Variants in TSPAN18 observed in about 807,000 individuals in gnomAD.
TSPAN18 encodes the protein tetraspanin-18.
TSPAN18 carries 14 observed loss-of-function variants against 27.3 expected under a neutral mutation model. That is an observed-to-expected ratio of 0.51 (90% confidence interval 0.34 to 0.80). TSPAN18 has a LOEUF of 0.80. Among genes scored for constraint, TSPAN18 ranks in the 30% least tolerant of loss-of-function variants. TSPAN18 has a pLI of 0.01. For synonymous variants in TSPAN18, 143 were observed against 136.5 expected (o/e 1.05, Z -0.33); for missense variants, 268 against 323.9 (o/e 0.83, Z 1.32).
intron 1 of TSPAN18, among the ~76,000 whole-genome samples, chr11:44,749,277 G>C (rs1315909328): frequency 6.6e-6 from 1 of 152,254 alleles, no homozygotes; most frequent in Non-Finnish European, 1.5e-5. Context: ...GAAATGGAGA[G>C]AAAACTAAAA....
chr11:44,926,666 C>T lies in TSPAN18; in HGVS notation c.616-8C>T. 6.2e-7 allele frequency: 1 copy of T among 1,613,988 alleles called. No homozygotes were observed. The highest frequency in any genetic ancestry group is 8.5e-7 in the Non-Finnish European group (1 of 1,179,870). Reference sequence around the variant, plus strand: ...GCCATAGCTTGACCTCTCATCCCTCCCTCCCAGGGCTGTTACACGGTGATC... The same window carrying T: ...GCCATAGCTTGACCTCTCATCCCTCTCTCCCAGGGCTGTTACACGGTGATC... On this transcript the variant is annotated splice_polypyrimidine_tract_variant and splice_region_variant and intron_variant, in intron 8 of 9. Transcript: ENST00000520358.
At chr11:44,833,352 C>T (rs544635125) in intron 2 of TSPAN18, among the ~76,000 whole-genome samples, 6 of 152,064 alleles carry the variant, frequency 3.9e-5, no homozygotes, top group Admixed American at 6.5e-5. Context: ...GCCCCTACCT[C>T]TGAGCAAATG....
intron 2 of TSPAN18, among the ~76,000 whole-genome samples, chr11:44,796,318 T>G (rs1856348548): frequency 6.6e-6 from 1 of 152,304 alleles, no homozygotes; most frequent in Non-Finnish European, 1.5e-5. Flanking sequence ...AGATTGGTTT[T>G]CAGTTTTTAC....
intron 1 of TSPAN18, among the ~76,000 whole-genome samples, chr11:44,730,591 C>T (rs1173608677): frequency 6.6e-6 from 1 of 151,918 alleles, no homozygotes; most frequent in African/African-American, 2.4e-5. Flanking sequence ...CATTAGTGCT[C>T]CATCTGAGGG....
At chr11:44,854,008 T>C (rs1303978490) in intron 2 of TSPAN18, among the ~76,000 whole-genome samples, 1 of 152,152 alleles carries the variant, frequency 6.6e-6, no homozygotes, top group Non-Finnish European at 1.5e-5. Flanking sequence ...ATAAAATATT[T>C]CGTTTTGGTG....
Position 44,930,856 on chromosome 11 carries a change from C to T in TSPAN18, c.*1678C>T, listed in dbSNP as rs1345618268. On this transcript the variant is annotated 3_prime_UTR_variant, in exon 10 of 10. Transcript: ENST00000520358. ...GCTCTCTTCTCTCCCCTCTGTCCCT[C>T]TTCAGGAAGAAAGAGCTCATTCTGT... 2 of 514,684 alleles carry T rather than the reference C, an allele frequency of 3.9e-6. No individual in the cohort carries two copies. The highest frequency in any genetic ancestry group is 4.1e-5 in the Admixed American group (2 of 48,576). The allele number at this position is 514,684 out of a possible 1,614,324, so 31.9% of individuals were successfully genotyped here. A position where few individuals can be genotyped will look rare whatever the true frequency, so the allele number is the denominator to read the frequency against.
intron 2 of TSPAN18, among the ~76,000 whole-genome samples, chr11:44,777,442 C>T (rs1855838314): frequency 6.6e-6 from 1 of 152,178 alleles, no homozygotes; most frequent in South Asian, 2.1e-4. Flanking sequence ...TTATGCCAAG[C>T]TGCTGCCTTG....
intron 5 of TSPAN18, among the ~76,000 whole-genome samples, chr11:44,915,525 C>T (rs1859872513): frequency 6.6e-6 from 1 of 152,182 alleles, no homozygotes; most frequent in Admixed American, 6.5e-5. Flanking sequence ...GAGGTCAGTC[C>T]CTTCTTCAGG....
chr11:44,788,325 A>T (rs1475704045), intron 2 of TSPAN18, among the ~76,000 whole-genome samples: 4 of 152,204 alleles, frequency 2.6e-5, no homozygotes, highest in African/African-American at 9.7e-5. Flanking sequence ...AGCCACTTGC[A>T]CATCAAACTG....
At chr11:44,887,352 G>GAA in intron 3 of TSPAN18, among the ~76,000 whole-genome samples, 1 of 152,366 alleles carries the variant, frequency 6.6e-6, no homozygotes, top group East Asian at 1.9e-4. Flanking sequence ...CTGGCCTGTA[G>GAA]AAAGTGCTTC....
intron 1 of TSPAN18, among the ~76,000 whole-genome samples, chr11:44,739,481 G>A (rs982350679): frequency 5.9e-5 from 9 of 152,130 alleles, no homozygotes; most frequent in South Asian, 2.1e-4. Context: ...AAAATTAGCC[G>A]AGTGTGGTGG....
chr11:44,851,865 G>C (rs1857614898), intron 2 of TSPAN18, among the ~76,000 whole-genome samples: 1 of 152,144 alleles, frequency 6.6e-6, no homozygotes, highest in Admixed American at 6.5e-5. Context: ...TCAGTGCCCA[G>C]GTATGACATG....
chr11:44,843,495 G>A (rs1003715298), intron 2 of TSPAN18, among the ~76,000 whole-genome samples: 8 of 152,124 alleles, frequency 5.3e-5, no homozygotes, highest in Admixed American at 1.3e-4. Flanking sequence ...ATGAAGTTTC[G>A]GGCACCATTG....
At chr11:44,916,666 G>A (rs1241916560) in intron 5 of TSPAN18, among the ~76,000 whole-genome samples, 1 of 152,158 alleles carries the variant, frequency 6.6e-6, no homozygotes, top group Non-Finnish European at 1.5e-5. Context: ...CAGACAAGGT[G>A]GGCCCTGAGG....
intron 3 of TSPAN18, among the ~76,000 whole-genome samples, chr11:44,893,946 G>C (rs1858943643): frequency 6.6e-6 from 1 of 152,104 alleles, no homozygotes; most frequent in African/African-American, 2.4e-5. Context: ...CAGGACACTG[G>C]GTTAATGTGG....
At chr11:44,917,819 T>C in intron 5 of TSPAN18, 153 bp from the exon 6 acceptor site, 1 of 641,076 alleles carries the variant, frequency 1.6e-6, no homozygotes, top group Non-Finnish European at 2.8e-6. Context: ...GGTGTGTTTG[T>C]TATGAAAAAT....
At chr11:44,923,612 C>G (rs1463635313) in intron 8 of TSPAN18, among the ~76,000 whole-genome samples, 1 of 152,190 alleles carries the variant, frequency 6.6e-6, no homozygotes, top group Admixed American at 6.5e-5. Flanking sequence ...AATTTGGAAT[C>G]CTCAGTGTAA....
chr11:44,911,856 C>T (rs1859728761), intron 5 of TSPAN18, among the ~76,000 whole-genome samples: 1 of 152,178 alleles, frequency 6.6e-6, no homozygotes, highest in Non-Finnish European at 1.5e-5. Context: ...GTCCACGATC[C>T]TCCCGAGAGA....
At chr11:44,769,917 C>T (rs962473710) in intron 2 of TSPAN18, among the ~76,000 whole-genome samples, 2 of 152,304 alleles carry the variant, frequency 1.3e-5, no homozygotes, top group East Asian at 1.9e-4. Context: ...ATGTTTTAAT[C>T]GTGGCTCTAT....
Sources: allele counts gnomAD v4.1 joint callset (sites outside exome capture counted in the v4.1 genomes callset), GRCh38; gene constraint gnomAD v4.1.1; transcripts MANE v1.5; gene names NCBI Gene and HGNC (gene_info 2026-07-23, HGNC 2026-07-21).